Variants in CHUK observed in about 807,000 individuals in gnomAD.
CHUK encodes inhibitor of nuclear factor kappa-B kinase subunit alpha.
Under a neutral mutation model 104.8 loss-of-function variants are expected in CHUK, and 35 were observed. The ratio of observed to expected loss-of-function variants is 0.33; its 90% confidence interval spans 0.26 to 0.44. CHUK has a LOEUF of 0.44. Among genes scored for constraint, CHUK ranks in the 20% least tolerant of loss-of-function variants. The pLI is 1.00. For synonymous variants in CHUK, 276 were observed against 291.9 expected, an observed-to-expected ratio of 0.95 and a Z score of 0.56; for missense variants, 663 against 902.7, an observed-to-expected ratio of 0.73 and a Z score of 3.40.
rs775967798 is a variant in CHUK, at chr10:100,222,913, C to T, written c.268G>A (p.Val90Met). Residue 90 changes from valine (V) to methionine (M), a missense_variant, in exon 3 of 21, where the codon GTG becomes ATG. Coordinates refer to ENST00000370397, the MANE Select transcript of CHUK (RefSeq NM_001278.5). The part of the protein sequence containing the change: ...PEELNILIHD[V>M]PLLAMEYCSG... ...CAGTATTCCATTGCTAGAAGAGGCACATCATGAATCAAAATATTCAATTCT... is the reference window on the plus strand; with the variant it reads ...CAGTATTCCATTGCTAGAAGAGGCATATCATGAATCAAAATATTCAATTCT... 1.2e-6 allele frequency: 2 copies of T among 1,608,328 alleles called. No homozygotes were observed. The highest frequency in any genetic ancestry group is 1.3e-5 in the African/African-American group (1 of 74,928).
Position 100,218,103 on chromosome 10 carries a change from C to G in CHUK, c.825G>C (p.Trp275Cys). 1 of 1,612,392 alleles carries G rather than the reference C, an allele frequency of 6.2e-7. No homozygotes were observed. The highest frequency in any genetic ancestry group is 8.5e-7 in the Non-Finnish European group (1 of 1,178,474). ...CSLVVEPMEN[W>C]LQLMLNWDPQ... ...GGTCCCAATTCAACATCAACTGTAGCCAGTTTTCCATGGGTTCTACTACTA... is the reference window on the plus strand; with the variant it reads ...GGTCCCAATTCAACATCAACTGTAGGCAGTTTTCCATGGGTTCTACTACTA... The change falls in exon 9 of 21, where the codon TGG becomes TGC. Residue 275 changes from tryptophan to cysteine, a missense_variant. Physicochemically the swap from Trp to Cys is radical, Grantham distance 215. Around this residue, in one of 5 missense-constraint regions of CHUK, gnomAD observed 200 missense variants for 333.0 expected, o/e 0.60. Coordinates refer to ENST00000370397, the MANE Select transcript of CHUK (RefSeq NM_001278.5).
At chr10:100,224,610 T>G (rs1333475778) in intron 2 of CHUK, among the ~76,000 whole-genome samples, 1 of 151,866 alleles carries the variant, frequency 6.6e-6, no homozygotes, top group Non-Finnish European at 1.5e-5. Context: ...CTAATTTTTG[T>G]ATTTTTAGTA....
chr10:100,194,559 C>A lies in CHUK; in HGVS notation c.1730-38G>T, dbSNP rs773694610. 9 of 1,379,942 alleles carry A rather than the reference C, an allele frequency of 6.5e-6. No homozygotes were observed. In the South Asian group the frequency reaches 1.1e-4, roughly 16 times the overall value. The allele number at this position is 1,379,942 out of a possible 1,614,324, so 85.5% of individuals were successfully genotyped here. On this transcript the variant is annotated intron_variant, in intron 16 of 20. Coordinates refer to ENST00000370397, the MANE Select transcript of CHUK (RefSeq NM_001278.5). Reference sequence around the variant, plus strand: ...TCAGTCAGTGGATATAACCTTTCTTCTGTAACATATCAGCCTCCAAACAAA... The same window carrying A: ...TCAGTCAGTGGATATAACCTTTCTTATGTAACATATCAGCCTCCAAACAAA...
rs1361024397 is a variant in CHUK, at chr10:100,222,129, G to C, written c.368C>G (p.Ser123Cys). 3 of 1,574,370 alleles carry C rather than the reference G, an allele frequency of 1.9e-6. No homozygotes were observed. In the African/African-American group the frequency reaches 4.0e-5, roughly 21 times the overall value. ...CCGLKESQIL[S>C]LLSDIGSGIR... ...ATACGTACCTATATCACTTAGTAAAGAAAGTATCTGGCTTTCTTTAAGTCC... is the reference window on the plus strand; with the variant it reads ...ATACGTACCTATATCACTTAGTAAACAAAGTATCTGGCTTTCTTTAAGTCC... Residue 123 changes from serine to cysteine, a missense_variant, in exon 4 of 21, where the codon TCT becomes TGT. Coordinates refer to ENST00000370397, the MANE Select transcript of CHUK (RefSeq NM_001278.5).
Position 100,200,769 on chromosome 10 carries a change from A to G in CHUK, c.1581T>C (p.Ile527=). The part of the protein sequence containing the change: ...KAIHYAEVGV[I]GYLEDQIMSL... ...ACATAATCTGATCCTCCAGGTATCC[A>G]ATGACACCAACCTAAAATATGATGA... Residue 527 remains isoleucine, a synonymous_variant, in exon 15 of 21, where the codon ATT becomes ATC. Transcript: ENST00000370397. 8 of 1,576,390 alleles carry G rather than the reference A, an allele frequency of 5.1e-6. No homozygotes were observed. The highest frequency in any genetic ancestry group is 7.0e-6 in the Non-Finnish European group (8 of 1,146,292).
Position 100,199,972 on chromosome 10 carries a change from T to C in CHUK, c.1728A>G (p.Ser576=). The part of the protein sequence containing the change: ...DLYKQLKHRP[S]DHSYSDSTEM... ...AGCACTGTGGTAGAAGTGTCTTACC[T>C]GAAGGTCTGTGTTTTAACTGCTTAT... Residue 576 remains serine, a splice_region_variant and synonymous_variant, in exon 16 of 21, where the codon TCA becomes TCG. Coordinates refer to ENST00000370397, the MANE Select transcript of CHUK (RefSeq NM_001278.5). 6.2e-7 allele frequency: 1 copy of C among 1,609,378 alleles called. No individual in the cohort carries two copies. Among genetic ancestry groups the C allele is most frequent in the Non-Finnish European group, 8.5e-7 (1 of 1,175,792 alleles).
chr10:100,199,714 T>C (rs571296304), intron 16 of CHUK, among the ~76,000 whole-genome samples: 1 of 152,336 alleles, frequency 6.6e-6, no homozygotes, highest in African/African-American at 2.4e-5. Flanking sequence ...TCCTTTTTTC[T>C]GTCTTCCATT....
intron 8 of CHUK, 103 bp downstream of exon 8, chr10:100,218,615 A>G: frequency 1.3e-6 from 1 of 796,962 alleles, no homozygotes; most frequent in Middle Eastern, 2.2e-4. Context: ...ATCATCACAG[A>G]AAGTTCTACT....
In CHUK at chr10:100,210,093, T is replaced by TTATTTA. The variant is rs1491110452; in HGVS notation, c.934-305_934-304insTAAATA. On this transcript the variant is annotated intron_variant, in intron 9 of 20. Coordinates refer to ENST00000370397, the MANE Select transcript of CHUK (RefSeq NM_001278.5). ...TTTATTTATTTATTTATTTATTTAT[T>TTATTTA]TTTTTTTTTTTTGAGACGGAGTCTC... Among the ~76,000 whole-genome samples, 399 of 103,548 alleles carry TTATTTA rather than the reference T, an allele frequency of 3.9e-3. 4 individuals carry two copies. Among genetic ancestry groups the TTATTTA allele is most frequent in the African/African-American group, 0.013 (384 of 29,960 alleles). The allele number at this position is 103,548 out of a possible 152,430, so 67.9% of individuals were successfully genotyped here. A position where few individuals can be genotyped will look rare whatever the true frequency, so the allele number is the denominator to read the frequency against.
chr10:100,213,702 A>G (rs1361752242), intron 9 of CHUK, among the ~76,000 whole-genome samples: 1 of 151,956 alleles, frequency 6.6e-6, no homozygotes, highest in Non-Finnish European at 1.5e-5. Flanking sequence ...TTGTATTCTT[A>G]GTAGAGATGG....
chr10:100,215,756 CAA>C (rs1589593602), intron 9 of CHUK, among the ~76,000 whole-genome samples: 1 of 152,086 alleles, frequency 6.6e-6, no homozygotes. Context: ...CTTTCTTGTA[CAA>C]TATATATAAA....
intron 1 of CHUK, 113 bp from the exon 2 acceptor site, chr10:100,226,130 T>C: frequency 1.5e-6 from 1 of 689,044 alleles, no homozygotes; most frequent in Non-Finnish European, 2.6e-6. Flanking sequence ...TAATTAAATA[T>C]ATTTATCCAC....
chr10:100,229,479 C>T lies in CHUK; in HGVS notation c.54G>A (p.Arg18=), dbSNP rs1418793256. The T allele has an allele frequency of 1.3e-6, 2 of 1,598,088 alleles. No individual in the cohort carries two copies. The highest frequency in any genetic ancestry group is 3.4e-5 in the Admixed American group (2 of 59,002). ...RPGAGGPWEM[R]ERLGTGGFGN... ...CGAAGCCGCCGGTGCCCAGCCGCTCCCGCATCTCCCAGGGCCCGCCCGCGC... is the reference window on the plus strand; with the variant it reads ...CGAAGCCGCCGGTGCCCAGCCGCTCTCGCATCTCCCAGGGCCCGCCCGCGC... Residue 18 remains arginine (R), a synonymous_variant, in exon 1 of 21, where the codon CGG becomes CGA. Coordinates refer to ENST00000370397, the MANE Select transcript of CHUK (RefSeq NM_001278.5).
intron 9 of CHUK, among the ~76,000 whole-genome samples, chr10:100,211,210 C>T (rs1373231720): frequency 6.6e-6 from 1 of 152,152 alleles, no homozygotes; most frequent in Non-Finnish European, 1.5e-5. Context: ...CCATCATTTA[C>T]ATAGAGCCTA....
intron 15 of CHUK, 95 bp from the exon 16 acceptor site, chr10:100,200,115 C>T: frequency 2.2e-6 from 2 of 926,760 alleles, no homozygotes; most frequent in Admixed American, 1.7e-5. Context: ...ATAATGAACC[C>T]ATTTTAAAGC....
At chr10:100,204,988 C>A (rs1198751138) in intron 12 of CHUK, 88 bp downstream of exon 12, 5 of 1,443,352 alleles carry the variant, frequency 3.5e-6, no homozygotes, top group Non-Finnish European at 4.9e-6. Context: ...CTATTACATG[C>A]AATATTGATT....
chr10:100,194,054 G>C lies in CHUK; in HGVS notation c.1904C>G (p.Ala635Gly). ...VEVALSNIKE[A>G]DNTVMFMQGK... ...CTGCATGAACATGACAGTATTGTCA[G>C]CTTCTTTGATATTACTGAGGGCCAC... Residue 635 changes from alanine to glycine, a missense_variant, in exon 18 of 21, where the codon GCT (alanine) becomes GGT (glycine). By Grantham distance (60) the Ala-to-Gly change is moderately conservative. Coordinates refer to ENST00000370397, the MANE Select transcript of CHUK (RefSeq NM_001278.5). 1 of 1,613,264 alleles carries C rather than the reference G, an allele frequency of 6.2e-7. No individual in the cohort carries two copies. Among genetic ancestry groups the C allele is most frequent in the African/African-American group, 1.3e-5 (1 of 75,000 alleles).
chr10:100,201,559 A>G (rs1244822135), intron 14 of CHUK, among the ~76,000 whole-genome samples: 1 of 152,192 alleles, frequency 6.6e-6, no homozygotes, highest in Non-Finnish European at 1.5e-5. Context: ...AATTGTCCCT[A>G]TAATATGGAA....
Position 100,203,183 on chromosome 10 carries a change from T to G in CHUK, c.1508-1034A>C, listed in dbSNP as rs557247403. ...CAAGGGACCTTACTATGATTATCTGTTACATAGACACATAGCCTGCTCCCT... is the reference window on the plus strand; with the variant it reads ...CAAGGGACCTTACTATGATTATCTGGTACATAGACACATAGCCTGCTCCCT... On this transcript the variant is annotated intron_variant, in intron 13 of 20. Coordinates refer to ENST00000370397, the MANE Select transcript of CHUK (RefSeq NM_001278.5). 1.7e-3 allele frequency among the ~76,000 whole-genome samples: 254 copies of G among 152,310 alleles called. 2 individuals are homozygous for G. The highest frequency in any genetic ancestry group is 0.01 in the Middle Eastern group (3 of 294).
Sources: allele counts gnomAD v4.1 joint callset (sites outside exome capture counted in the v4.1 genomes callset), GRCh38; gene constraint gnomAD v4.1.1; regional missense constraint gnomAD v4.1.1; transcripts MANE v1.5; gene names NCBI Gene and HGNC (gene_info 2026-07-23, HGNC 2026-07-21).